The following PLXNA4 variants were observed in gnomAD, a reference collection of about 807,000 sequenced individuals.
PLXNA4 encodes the protein plexin A4.
Under a neutral mutation model 191.8 loss-of-function variants are expected in PLXNA4, and 44 were observed. The observed-to-expected ratio is 0.23, with a 90% CI of 0.18 to 0.29. PLXNA4 has a LOEUF of 0.29. Among genes scored for constraint, PLXNA4 ranks in the 10% least tolerant of loss-of-function variants. The pLI, the probability that PLXNA4 is intolerant of heterozygous loss-of-function variation, is 1.00. For synonymous variants in PLXNA4, 1,082 were observed against 1,009.5 expected (o/e 1.07, Z -1.36); for missense variants, 1,800 against 2,488.8 (o/e 0.72, Z 5.89).
intron 3 of PLXNA4, among the ~76,000 whole-genome samples, chr7:132,446,146 T>C (rs947204570): frequency 1.3e-5 from 2 of 152,196 alleles, no homozygotes; most frequent in Non-Finnish European, 2.9e-5. Context: ...TACACGTGGA[T>C]AACAGTGCAA....
chr7:132,302,205 T>C (rs747476296), intron 3 of PLXNA4, among the ~76,000 whole-genome samples: 7 of 152,200 alleles, frequency 4.6e-5, no homozygotes, highest in Non-Finnish European at 1.0e-4. Flanking sequence ...TTTAATATTT[T>C]TTATAAATGG....
At chr7:132,195,801 T>C (rs1476328683) in intron 13 of PLXNA4, among the ~76,000 whole-genome samples, 2 of 152,250 alleles carry the variant, frequency 1.3e-5, no homozygotes, top group African/African-American at 4.8e-5. Context: ...TTGTCTGTTA[T>C]AAATATTGCA....
In PLXNA4 at chr7:132,522,477, C is replaced by G. The variant is rs144398458; in HGVS notation, c.-86-13698G>C. Among the ~76,000 whole-genome samples, 1,024 of 152,320 alleles carry G rather than the reference C, an allele frequency of 6.7e-3. 11 individuals are homozygous for G. Among genetic ancestry groups the G allele is most frequent in the South Asian group, 0.02 (95 of 4,818 alleles). On this transcript the variant is annotated intron_variant, in intron 1 of 31. Transcript: ENST00000321063. The stretch of plus-strand genomic sequence containing the variant: ...GTTGATCCAATACTTTCCTAATAAA[C>G]TCCAAAGCTGGCTGGGTGTGTTGAC...
At chr7:132,631,465 G>A (rs978646193) in intron 2 of PLXNA4, among the ~76,000 whole-genome samples, 5 of 152,140 alleles carry the variant, frequency 3.3e-5, no homozygotes, top group Admixed American at 3.3e-4. Flanking sequence ...TTATTTGGAT[G>A]GGGAGTAGGG....
chr7:132,185,539 A>G, intron 15 of PLXNA4, 76 bp from the exon 16 acceptor site: 1 of 1,521,164 alleles, frequency 6.6e-7, no homozygotes, highest in Admixed American at 2.0e-5. Context: ...GCCCTCCCAC[A>G]CCGCTCCCTG....
intron 1 of PLXNA4, among the ~76,000 whole-genome samples, chr7:132,558,367 C>A (rs138952402): frequency 4.7e-4 from 72 of 152,234 alleles, no homozygotes; most frequent in African/African-American, 1.7e-3. Context: ...TTTATAAAGG[C>A]TCTTTAGAAC....
chr7:132,272,991 G>T (rs531552553), intron 4 of PLXNA4, among the ~76,000 whole-genome samples: 1 of 152,212 alleles, frequency 6.6e-6, no homozygotes, highest in South Asian at 2.1e-4. Context: ...GCTTTGAAGG[G>T]CAGGCTGTGT....
chr7:132,280,828 T>A (rs1238951266), intron 4 of PLXNA4, among the ~76,000 whole-genome samples: 1 of 152,172 alleles, frequency 6.6e-6, no homozygotes, highest in Admixed American at 6.5e-5. Flanking sequence ...AGCTGCAAGT[T>A]TACATACTCC....
chr7:132,525,830 C>G (rs1799379401), intron 1 of PLXNA4, among the ~76,000 whole-genome samples: 1 of 152,204 alleles, frequency 6.6e-6, no homozygotes, highest in African/African-American at 2.4e-5. Context: ...ACTGCATCAC[C>G]CTCCTGGGGA....
At chr7:132,464,955 G>T (rs146523355) in intron 3 of PLXNA4, among the ~76,000 whole-genome samples, 2 of 152,372 alleles carry the variant, frequency 1.3e-5, no homozygotes, top group Admixed American at 1.3e-4. Flanking sequence ...GCCCAGTCAT[G>T]CTGGAGAAAT....
intron 3 of PLXNA4, among the ~76,000 whole-genome samples, chr7:132,349,316 T>C (rs376437149): frequency 1.7e-4 from 26 of 152,034 alleles, no homozygotes; most frequent in African/African-American, 3.6e-4. Context: ...CCCCACAGCA[T>C]TGAGGGAAAG....
intron 3 of PLXNA4, among the ~76,000 whole-genome samples, chr7:132,360,703 C>T (rs1803901896): frequency 6.6e-6 from 1 of 152,180 alleles, no homozygotes; most frequent in Non-Finnish European, 1.5e-5. Context: ...CCTCTGTCCA[C>T]CTCGGAGCTC....
intron 4 of PLXNA4, among the ~76,000 whole-genome samples, chr7:132,279,737 G>C (rs920288300): frequency 6.6e-6 from 1 of 152,192 alleles, no homozygotes; most frequent in Non-Finnish European, 1.5e-5. Context: ...TACTTCACCT[G>C]CTACTCCACT....
At chr7:132,445,993 T>C (rs1348740052) in intron 3 of PLXNA4, among the ~76,000 whole-genome samples, 1 of 152,150 alleles carries the variant, frequency 6.6e-6, no homozygotes, top group Non-Finnish European at 1.5e-5. Context: ...GTCTCCCTGG[T>C]AGGCTTAGGT....
chr7:132,168,680 A>AT, intron 21 of PLXNA4, 108 bp from the exon 22 acceptor site: 1 of 1,418,920 alleles, frequency 7.0e-7, no homozygotes, highest in Admixed American at 2.7e-5. Flanking sequence ...CCACCAATTA[A>AT]GCCACAGTCC....
At chr7:132,223,415 G>A (rs1053573788) in intron 9 of PLXNA4, 112 bp downstream of exon 9, 1 of 846,366 alleles carries the variant, frequency 1.2e-6, no homozygotes, top group Admixed American at 2.2e-5. Context: ...CAGGAAGAAG[G>A]GGGTGGTCCT....
At chr7:132,465,007 C>G (rs934062194) in intron 3 of PLXNA4, among the ~76,000 whole-genome samples, 3 of 152,232 alleles carry the variant, frequency 2.0e-5, no homozygotes, top group African/African-American at 7.2e-5. Flanking sequence ...TCACTCAGAG[C>G]CTGACCCAGC....
At chr7:132,623,641 G>C (rs1057405722) in intron 2 of PLXNA4, among the ~76,000 whole-genome samples, 1 of 152,144 alleles carries the variant, frequency 6.6e-6, no homozygotes, top group East Asian at 1.9e-4. Context: ...AGGAGAGGAG[G>C]ACCTAGAGTC....
intron 3 of PLXNA4, among the ~76,000 whole-genome samples, chr7:132,471,720 G>A (rs1321289190): frequency 2.0e-5 from 3 of 152,092 alleles, no homozygotes; most frequent in Non-Finnish European, 1.5e-5. Flanking sequence ...GCCTTGGAGT[G>A]GGAGGAGGAG....
Sources: allele counts gnomAD v4.1 joint callset (sites outside exome capture counted in the v4.1 genomes callset), GRCh38; gene constraint gnomAD v4.1.1; transcripts MANE v1.5; gene names NCBI Gene and HGNC (gene_info 2026-07-23, HGNC 2026-07-21).